Variants in CDKL3 observed in about 807,000 individuals in gnomAD.
CDKL3 encodes cyclin dependent kinase like 3, also known as cyclin-dependent kinase-like 3.
CDKL3 carries 65 observed loss-of-function variants against 69.3 expected under a neutral mutation model. The ratio of observed to expected loss-of-function variants is 0.94; its 90% CI spans 0.77 to 1.15. The LOEUF is 1.15. CDKL3 is among the 50% of genes most tolerant of loss of function. CDKL3 has a pLI of 0.00. For missense variants in CDKL3, 652 were observed against 689.2 expected (o/e 0.95, Z 0.61); for synonymous variants, 202 against 221.6 (o/e 0.91, Z 0.79).
chr5:134,332,769 C>T (rs186876855), intron 4 of CDKL3, among the ~76,000 whole-genome samples: 1 of 152,290 alleles, frequency 6.6e-6, no homozygotes, highest in Non-Finnish European at 1.5e-5. Flanking sequence ...ATTGTCTTGG[C>T]TATGCGGGCT....
chr5:134,365,388 G>A (rs1438596608), intron 2 of CDKL3, among the ~76,000 whole-genome samples: 2 of 151,074 alleles, frequency 1.3e-5, no homozygotes, highest in Non-Finnish European at 1.5e-5. Flanking sequence ...TCAAAGTGCT[G>A]GGATTACAAG....
intron 6 of CDKL3, among the ~76,000 whole-genome samples, chr5:134,315,667 CAATG>C (rs1255817420): frequency 1.3e-5 from 2 of 152,090 alleles, no homozygotes; most frequent in African/African-American, 4.8e-5. Context: ...TACAAATAGA[CAATG>C]AATATTAGCA....
intron 4 of CDKL3, among the ~76,000 whole-genome samples, chr5:134,337,035 C>T (rs997832834): frequency 1.3e-5 from 2 of 152,170 alleles, no homozygotes; most frequent in Non-Finnish European, 2.9e-5. Flanking sequence ...CATAGAACCG[C>T]CTACTCAAGC....
intron 4 of CDKL3, among the ~76,000 whole-genome samples, chr5:134,347,626 T>C (rs1192230222): frequency 6.7e-6 from 1 of 150,350 alleles, no homozygotes; most frequent in African/African-American, 2.5e-5. Context: ...TCCCAGCATT[T>C]TGAGAGGCCG....
upstream of CDKL3, among the ~76,000 whole-genome samples, chr5:134,368,618 C>CAAAA (rs11339001): frequency 7.2e-3 from 499 of 69,524 alleles, no homozygotes; most frequent in African/African-American, 0.012. Flanking sequence ...GACTCCATCT[C>CAAAA]AAAAAAAAAA....
rs2149647272 is a variant in CDKL3 at position 134,360,093 on chromosome 5, T to G, written c.166-2A>C. The G allele has an allele frequency of 6.6e-7, 1 of 1,525,202 alleles. No homozygotes were observed. The highest frequency in any genetic ancestry group is 8.8e-7 in the Non-Finnish European group (1 of 1,137,748). The allele number at this position is 1,525,202 out of a possible 1,614,324, so 94.5% of individuals were successfully genotyped here. ...GACCAGGTTTTCGTGATGAAATTGC[T>G]ATTGACAAAAGAAACAACACAAATT... On this transcript the variant is annotated splice_acceptor_variant, in intron 2 of 12. Transcript: ENST00000265334. LOFTEE classifies it high-confidence loss of function.
intron 6 of CDKL3, among the ~76,000 whole-genome samples, chr5:134,315,602 G>A (rs2149468451): frequency 6.6e-6 from 1 of 152,158 alleles, no homozygotes; most frequent in East Asian, 1.9e-4. Flanking sequence ...CCAAAGTGCT[G>A]GGATTACATG....
chr5:134,369,954 G>A (rs368893980), upstream of CDKL3, among the ~76,000 whole-genome samples: 1 of 152,064 alleles, frequency 6.6e-6, no homozygotes, highest in Non-Finnish European at 1.5e-5. Context: ...ATGGCAGAAA[G>A]GCAAAAAAAT....
chr5:134,369,605 AT>A (rs3834275), upstream of CDKL3, among the ~76,000 whole-genome samples: 116,954 of 151,916 alleles, frequency 0.77, 47,973 homozygotes, highest in East Asian at 0.94. Context: ...TTGTTGCGGG[AT>A]TTTTTTGAGG....
intron 5 of CDKL3, among the ~76,000 whole-genome samples, chr5:134,320,767 G>A (rs999339454): frequency 6.6e-5 from 10 of 151,112 alleles, no homozygotes; most frequent in Non-Finnish European, 1.0e-4. Flanking sequence ...CCAGCTACTC[G>A]GGAGGCTGAG....
At chr5:134,311,505 C>CA (rs111630635) in intron 7 of CDKL3, among the ~76,000 whole-genome samples, 1,529 of 132,702 alleles carry the variant, frequency 0.012, 14 homozygotes, top group African/African-American at 0.035. Flanking sequence ...GACTTCATCT[C>CA]AAAAAAAAAA....
rs535600568 is a variant in CDKL3 at position 134,324,540 on chromosome 5, C to CA, written c.540-2638dup. ...AAAGAGAAGTGAGCTGTCAAGATAC[C>CA]AAAAAAAAAGGAGGAACCTTAAATA... On this transcript the variant is annotated intron_variant, in intron 4 of 12. Transcript: ENST00000265334. Among the ~76,000 whole-genome samples the CA allele has an allele frequency of 5.0e-3, 740 of 149,304 alleles. 8 individuals carry two copies. Among genetic ancestry groups the CA allele is most frequent in the African/African-American group, 0.017 (694 of 40,800 alleles).
chr5:134,337,456 A>C (rs1343455785), intron 4 of CDKL3, among the ~76,000 whole-genome samples: 1 of 152,206 alleles, frequency 6.6e-6, no homozygotes, highest in Non-Finnish European at 1.5e-5. Context: ...GGAGCTGTAG[A>C]CCGGAGATAT....
intron 12 of CDKL3, among the ~76,000 whole-genome samples, chr5:134,301,442 T>C (rs1278798730): frequency 6.6e-6 from 1 of 152,216 alleles, no homozygotes; most frequent in East Asian, 1.9e-4. Context: ...TCTATCCAAA[T>C]ATTATAGAGA....
chr5:134,321,552 T>C (rs1772802249), intron 5 of CDKL3, among the ~76,000 whole-genome samples: 1 of 152,236 alleles, frequency 6.6e-6, no homozygotes, highest in African/African-American at 2.4e-5. Flanking sequence ...ACTATTTTTC[T>C]TAGCATCAAC....
At chr5:134,342,828 G>A (rs1337988181) in intron 4 of CDKL3, among the ~76,000 whole-genome samples, 1 of 152,134 alleles carries the variant, frequency 6.6e-6, no homozygotes, top group Non-Finnish European at 1.5e-5. Flanking sequence ...ACCTAGAATA[G>A]CCAAAACAAT....
intron 11 of CDKL3, among the ~76,000 whole-genome samples, chr5:134,304,116 A>C (rs1407762848): frequency 2.6e-5 from 4 of 151,842 alleles, no homozygotes; most frequent in Non-Finnish European, 5.9e-5. Flanking sequence ...TTTTGTAGAG[A>C]CAGGGTTTTG....
At chr5:134,291,745 G>A (rs1190534372) in intron 8 of CDKL3, among the ~76,000 whole-genome samples, 1 of 150,996 alleles carries the variant, frequency 6.6e-6, no homozygotes, top group African/African-American at 2.4e-5. Flanking sequence ...TTGCACTCCA[G>A]CCTGGGTGAC....
chr5:134,307,002 G>C (rs1408056573), intron 9 of CDKL3, among the ~76,000 whole-genome samples: 1 of 151,998 alleles, frequency 6.6e-6, no homozygotes, highest in Non-Finnish European at 1.5e-5. Flanking sequence ...TGATACACTC[G>C]CCTTGGCCTC....
Sources: allele counts gnomAD v4.1 joint callset (sites outside exome capture counted in the v4.1 genomes callset), GRCh38; gene constraint gnomAD v4.1.1; transcripts MANE v1.5; gene names NCBI Gene and HGNC (gene_info 2026-07-23, HGNC 2026-07-21).